RABEP2: variants seen among roughly 807,000 people sequenced by gnomAD.
RABEP2 encodes rab GTPase-binding effector protein 2.
Under a neutral mutation model 74.1 loss-of-function variants are expected in RABEP2, and 57 were observed. The observed-to-expected ratio is 0.77, with a 90% CI of 0.62 to 0.96. RABEP2 has a LOEUF of 0.96. Among genes scored for constraint, RABEP2 ranks in the 40% least tolerant of loss-of-function variants. The pLI is 0.00. For synonymous variants in RABEP2, 351 were observed against 344.0 expected (o/e 1.02, Z -0.23); for missense variants, 692 against 756.3 (o/e 0.91, Z 1.00).
chr16:28,922,082 C>T (rs560858100), intron 2 of RABEP2, among the ~76,000 whole-genome samples: 1 of 152,234 alleles, frequency 6.6e-6, no homozygotes, highest in East Asian at 1.9e-4. Context: ...AGTGAACCTC[C>T]CACCTCACCC....
intron 8 of RABEP2, among the ~76,000 whole-genome samples, chr16:28,906,401 C>A (rs1237785407): frequency 6.6e-6 from 1 of 152,246 alleles, no homozygotes; most frequent in Non-Finnish European, 1.5e-5. Flanking sequence ...TCAGGACACA[C>A]GACCATGCCC....
Position 28,910,904 on chromosome 16 carries a change from C to A in RABEP2, c.1073G>T (p.Arg358Leu). The A allele has an allele frequency of 6.2e-7, 1 of 1,611,968 alleles. No homozygotes were observed. The highest frequency in any genetic ancestry group is 1.1e-5 in the South Asian group (1 of 90,912). ...GGTACTCACCATCTGCAGCTGCACC[C>A]GCTCCTGGGCCTGGCTCACGGTCCC... ...LQGTVSQAQE[R>L]VQLQMAELVT... is the part of the protein sequence containing the mutation. Residue 358 changes from arginine (R) to leucine (L), a missense_variant, in exon 7 of 13, where the codon CGG becomes CTG. Arg to Leu is a moderately radical substitution (Grantham distance 102, BLOSUM62 -2). Transcript: ENST00000358201.
At chr16:28,924,264 C>T in intron 2 of RABEP2, 139 bp downstream of exon 2, 2 of 790,120 alleles carry the variant, frequency 2.5e-6, no homozygotes, top group East Asian at 2.7e-5. Context: ...GGCGGCCCTT[C>T]CTCTGGGCCA....
At chr16:28,911,014 G>C in intron 6 of RABEP2, 28 bp from the exon 7 acceptor site, 1 of 1,610,696 alleles carries the variant, frequency 6.2e-7, no homozygotes. Flanking sequence ...CGAAAGTGAG[G>C]GCAAGGGCAT....
intron 9 of RABEP2, 62 bp downstream of exon 9, chr16:28,905,957 C>T: frequency 6.2e-7 from 1 of 1,612,458 alleles, no homozygotes; most frequent in Non-Finnish European, 8.5e-7. Flanking sequence ...GCCCCGGTGG[C>T]TCCCTGCAAG....
intron 7 of RABEP2, chr16:28,910,312 A>T: frequency 7.1e-6 from 1 of 141,472 alleles, no homozygotes; most frequent in Non-Finnish European, 1.5e-5. Flanking sequence ...TCTTTGAGAC[A>T]GTTTTGCTTT....
intron 2 of RABEP2, among the ~76,000 whole-genome samples, chr16:28,922,108 A>G (rs908601592): frequency 6.6e-6 from 1 of 152,128 alleles, no homozygotes; most frequent in African/African-American, 2.4e-5. Flanking sequence ...AGTAGCAGGG[A>G]CCACAGGCAC....
At position 28,925,150 on chromosome 16, in the gene RABEP2, G is replaced by A. The variant is rs1964518809; in HGVS notation, c.14C>T (p.Ala5Val). 1.3e-6 allele frequency: 2 copies of A among 1,532,250 alleles called. No homozygotes were observed. The highest frequency in any genetic ancestry group is 8.7e-7 in the Non-Finnish European group (1 of 1,145,348). 94.9% of individuals were successfully genotyped at this position (1,532,250 alleles called of 1,614,324 possible). Residue 5 changes from alanine to valine, a missense_variant, in exon 1 of 13, where the codon GCG (alanine) becomes GTG (valine). By Grantham distance (64) the Ala-to-Val change is moderately conservative. Transcript: ENST00000358201. MAAA[A>V]PVAADDDERR... ...CTCATCGTCGTCCGCGGCCACCGGC[G>A]CAGCTGCCGCCATTGCCTCAGCGCA...
intron 2 of RABEP2, chr16:28,921,342 T>C (rs1347313366): frequency 7.2e-6 from 3 of 415,748 alleles, no homozygotes; most frequent in East Asian, 1.5e-4. Context: ...CTTCCTGGGC[T>C]TGGATATCCC....
In RABEP2 at chr16:28,905,492, AGAG is replaced by A. The variant is rs1293695439; in HGVS notation, c.1510_1512del (p.Leu504del). On this transcript the variant is annotated inframe_deletion, in exon 12 of 13. Transcript: ENST00000358201. Reference sequence around the variant, plus strand: ...CGCAGCACCTTGGCCCTCTGTTCTGAGAGGAGGTCTGGGAGCTGGGCCTGCGGG... The same window carrying A: ...CGCAGCACCTTGGCCCTCTGTTCTGAGAGGTCTGGGAGCTGGGCCTGCGGG... The A allele has an allele frequency of 2.5e-6, 4 of 1,611,180 alleles. No homozygotes were observed. The highest frequency in any genetic ancestry group is 2.5e-6 in the Non-Finnish European group (3 of 1,179,362).
chr16:28,918,669 A>T (rs1596703082), intron 3 of RABEP2, among the ~76,000 whole-genome samples: 4 of 149,832 alleles, frequency 2.7e-5, no homozygotes, highest in Admixed American at 2.0e-4. Flanking sequence ...TTTTTTTTTT[A>T]AAGAGACAGG....
intron 2 of RABEP2, 164 bp downstream of exon 2, chr16:28,924,239 T>C (rs1292853443): frequency 3.1e-6 from 2 of 641,526 alleles, no homozygotes; most frequent in South Asian, 1.9e-5. Flanking sequence ...AGGGCCTCTA[T>C]GCAAATTTTA....
In RABEP2 at chr16:28,908,657, G is replaced by C; in HGVS notation, c.1197C>G (p.Gly399=). The change falls in exon 8 of 13, where the codon GGC becomes GGG. Residue 399 remains glycine, a synonymous_variant. Transcript: ENST00000358201. The part of the protein sequence containing the change: ...AEQLPSSAPQ[G]SQQEQGEEES... ...CCTCCTCGCCCTGCTCCTGCTGCGAGCCCTGGGGGGCTGAGGATGGCAGCT... is the reference window on the plus strand; with the variant it reads ...CCTCCTCGCCCTGCTCCTGCTGCGACCCCTGGGGGGCTGAGGATGGCAGCT... 6.2e-7 allele frequency: 1 copy of C among 1,614,170 alleles called. No individual in the cohort carries two copies.
chr16:28,912,654 C>T (rs547102655), intron 5 of RABEP2, among the ~76,000 whole-genome samples: 1 of 152,100 alleles, frequency 6.6e-6, no homozygotes, highest in African/African-American at 2.4e-5. Flanking sequence ...CTCCAGCATT[C>T]TGCCCGCTTC....
At chr16:28,906,303 A>G (rs1964230489) in intron 8 of RABEP2, 107 bp from the exon 9 acceptor site, 11 of 1,392,994 alleles carry the variant, frequency 7.9e-6, no homozygotes, top group Non-Finnish European at 9.4e-6. Context: ...GGAAGGGAGG[A>G]TGGAAGCAAA....
intron 8 of RABEP2, 40 bp downstream of exon 8, chr16:28,908,569 C>G: frequency 6.4e-7 from 1 of 1,556,442 alleles, no homozygotes; most frequent in Non-Finnish European, 8.7e-7. Flanking sequence ...AAGGGGCCCT[C>G]ACGGTGGCTC....
Position 28,904,895 on chromosome 16 carries a change from T to C in RABEP2, c.*48A>G, listed in dbSNP as rs1964198592. 1 of 1,388,844 alleles carries C rather than the reference T, an allele frequency of 7.2e-7. No individual in the cohort carries two copies. The highest frequency in any genetic ancestry group is 1.0e-6 in the Non-Finnish European group (1 of 986,258). The allele number at this position is 1,388,844 out of a possible 1,614,324, so 86.0% of individuals were successfully genotyped here. A position where few individuals can be genotyped will look rare whatever the true frequency, so the allele number is the denominator to read the frequency against. ...AGAGCGAGGCCTCATGGTTCAGGAG[T>C]GGGGAAAGGCGTCTTTCCCAGGGTG... On this transcript the variant is annotated 3_prime_UTR_variant, in exon 13 of 13. Transcript: ENST00000358201.
chr16:28,924,979 T>G, intron 1 of RABEP2, 124 bp downstream of exon 1: 25 of 1,118,132 alleles, frequency 2.2e-5, no homozygotes, highest in South Asian at 2.7e-5. Flanking sequence ...CCCGCCCCCT[T>G]TCCCGACGGC....
chr16:28,919,573 T>C, intron 3 of RABEP2: 4 of 422,930 alleles, frequency 9.5e-6, no homozygotes, highest in Admixed American at 8.4e-5. Context: ...TAAGTTAATT[T>C]TGGAGCTAAG....
Sources: allele counts gnomAD v4.1 joint callset (sites outside exome capture counted in the v4.1 genomes callset), GRCh38; gene constraint gnomAD v4.1.1; transcripts MANE v1.5; gene names NCBI Gene and HGNC (gene_info 2026-07-23, HGNC 2026-07-21).